Variants in C17orf75 observed in about 807,000 individuals in gnomAD.
The protein encoded by C17orf75 is chromosome 17 open reading frame 75, also known as protein Njmu-R1.
C17orf75 carries 32 observed loss-of-function variants against 49.6 expected under a neutral mutation model. The observed-to-expected ratio is 0.65, with a 90% CI of 0.49 to 0.87. The LOEUF (loss-of-function observed/expected upper bound fraction) is 0.87. C17orf75 is among the 40% of genes least tolerant of loss of function. The probability of loss-of-function intolerance (pLI) is 0.00; values close to 1 mark genes in which losing one functional copy is unlikely to be tolerated. For synonymous variants in C17orf75, 158 were observed against 159.5 expected (o/e 0.99, Z 0.07); for missense variants, 428 against 473.9 (o/e 0.90, Z 0.90).
chr17:32,339,344 C>A (rs1338159636), intron 3 of C17orf75, among the ~76,000 whole-genome samples: 1 of 149,164 alleles, frequency 6.7e-6, no homozygotes, highest in African/African-American at 2.5e-5. Flanking sequence ...TTTTAATAAT[C>A]AACACTTTTC....
rs185717321 is a variant in C17orf75 at position 32,334,465 on chromosome 17, T to G, written c.871+4A>C. The stretch of plus-strand genomic sequence containing the variant: ...GGAAGGCTGCTTCAGAGGTTGTAGC[T>G]CACCTGCATTGCAGAACTGAGGCTG... On this transcript the variant is annotated splice_donor_region_variant and intron_variant, in intron 8 of 9. Coordinates refer to ENST00000577809, the MANE Select transcript of C17orf75 (RefSeq NM_022344.4). The G allele has an allele frequency of 2.3e-4, 370 of 1,610,514 alleles. No homozygotes were observed. Among genetic ancestry groups the G allele is most frequent in the Non-Finnish European group, 2.5e-4 (289 of 1,178,504 alleles).
chr17:32,345,608 G>A (rs1412128996), upstream of C17orf75, among the ~76,000 whole-genome samples: 2 of 150,794 alleles, frequency 1.3e-5, no homozygotes, highest in South Asian at 4.4e-4. Context: ...GAGGCAGGCA[G>A]ATCACAAGGT....
In C17orf75 at chr17:32,335,737, T is replaced by C. The variant is rs1194812758; in HGVS notation, c.550-295A>G. 5.9e-5 allele frequency among the ~76,000 whole-genome samples: 9 copies of C among 152,190 alleles called. 1 individual carries two copies. The East Asian group carries it at 1.5e-3, about 26-fold the overall frequency. On this transcript the variant is annotated intron_variant, in intron 5 of 9. Transcript: ENST00000577809. The stretch of plus-strand genomic sequence containing the variant: ...TTCTTCACAGGGAAGAGTTGGGCAC[T>C]CACAAGTCCCTCTCCTCCCACTGTA...
chr17:32,342,361 T>C, upstream of C17orf75: 1 of 603,302 alleles, frequency 1.7e-6, no homozygotes, highest in Non-Finnish European at 2.4e-6. Context: ...TTTTACCATT[T>C]ATTTTGAACT....
chr17:32,333,086 C>T (rs2041292183), intron 9 of C17orf75, among the ~76,000 whole-genome samples: 1 of 152,188 alleles, frequency 6.6e-6, no homozygotes, highest in Non-Finnish European at 1.5e-5. Flanking sequence ...GCTGGGATTA[C>T]AGGGGTGAGC....
At chr17:32,333,333 A>G in intron 9 of C17orf75, 84 bp downstream of exon 9, 1 of 915,150 alleles carries the variant, frequency 1.1e-6, no homozygotes. Flanking sequence ...ACAGCTATAA[A>G]GCAATTTGTT....
upstream of C17orf75, among the ~76,000 whole-genome samples, chr17:32,346,398 G>C (rs974018370): frequency 1.3e-5 from 2 of 152,206 alleles, no homozygotes; most frequent in South Asian, 2.1e-4. Context: ...CTACCAGCCT[G>C]GGCCACCGAA....
chr17:32,347,736 A>G (rs1050118486), intron 1 of C17orf75, among the ~76,000 whole-genome samples: 13 of 152,116 alleles, frequency 8.5e-5, no homozygotes, highest in African/African-American at 3.1e-4. Flanking sequence ...TAAAATCACT[A>G]ATCCCCCCCC....
upstream of C17orf75, among the ~76,000 whole-genome samples, chr17:32,342,975 AT>A (rs2041395328): frequency 6.6e-6 from 1 of 152,224 alleles, no homozygotes; most frequent in Non-Finnish European, 1.5e-5. Flanking sequence ...TGGGCAATTT[AT>A]AATTAGCTCT....
chr17:32,342,022 GAC>G lies in C17orf75; in HGVS notation c.116_117del (p.Cys39SerfsTer17), dbSNP rs1415648984. 5.9e-6 allele frequency: 9 copies of G among 1,537,210 alleles called. No homozygotes were observed. Among genetic ancestry groups the G allele is most frequent in the Non-Finnish European group, 7.0e-6 (8 of 1,142,652 alleles). On this transcript the variant is annotated frameshift_variant, in exon 1 of 10. Transcript: ENST00000577809. LOFTEE classifies it high-confidence loss of function. ...CACCTGCTTCCGCGATAGCTGTAAA[GAC>G]AGTAGTGGCTGCTGGACGGCGGCTC... ...RLEPPSSSHY[C>X]LYSYRGSRLA...
chr17:32,349,090 T>G (rs1175314285), intron 1 of C17orf75, among the ~76,000 whole-genome samples: 1 of 150,748 alleles, frequency 6.6e-6, no homozygotes, highest in Non-Finnish European at 1.5e-5. Context: ...GGTCTCGAAC[T>G]CCTGACCTCA....
chr17:32,329,879 G>A lies in C17orf75; in HGVS notation c.*1884C>T, dbSNP rs2041260299. 1 of 152,210 alleles carries A rather than the reference G, an allele frequency of 6.6e-6. No individual in the cohort carries two copies. The highest frequency in any genetic ancestry group is 2.1e-4 in the South Asian group (1 of 4,830). 9.4% of individuals were successfully genotyped at this position (152,210 alleles called of 1,614,324 possible). On this transcript the variant is annotated 3_prime_UTR_variant, in exon 10 of 10. Transcript: ENST00000577809. ...TTTTTTTGAGACAGAGTCTCGCTCT[G>A]TCACTCAGGTTGGAATGCAGTGGCG...
rs922499119 is a variant in C17orf75, at chr17:32,328,639, C to G, written c.*3124G>C. 6.6e-6 allele frequency: 1 copy of G among 152,178 alleles called. No homozygotes were observed. Among genetic ancestry groups the G allele is most frequent in the Non-Finnish European group, 1.5e-5 (1 of 68,048 alleles). 9.4% of individuals were successfully genotyped at this position (152,178 alleles called of 1,614,324 possible). On this transcript the variant is annotated 3_prime_UTR_variant, in exon 10 of 10. Transcript: ENST00000577809. ...GGCACAGTGGCTCACGCCTGTAATC[C>G]CGGCACTTTGGGAGGCCAAGGCGGG...
At chr17:32,333,146 GTTT>G (rs2041292730) in intron 9 of C17orf75, among the ~76,000 whole-genome samples, 1 of 152,092 alleles carries the variant, frequency 6.6e-6, no homozygotes, top group African/African-American at 2.4e-5. Context: ...CACTGAACCA[GTTT>G]TTTTGTGCTT....
chr17:32,334,599 C>T lies in C17orf75; in HGVS notation c.741G>A (p.Leu247=), dbSNP rs1486034315. The change falls in exon 8 of 10, where the codon CTG becomes CTA. Residue 247 remains leucine (L), a synonymous_variant. Coordinates refer to ENST00000577809, the MANE Select transcript of C17orf75 (RefSeq NM_022344.4). The stretch of plus-strand genomic sequence containing the variant: ...TAAGTCCTTGAAGACTGGCCACACT[C>T]AGAAACCTGCCACACACACAAGTCC... ...EKTKRDINRF[L]SVASLQGLIH... 1 of 1,611,466 alleles carries T rather than the reference C, an allele frequency of 6.2e-7. No individual in the cohort carries two copies. Among genetic ancestry groups the T allele is most frequent in the Non-Finnish European group, 8.5e-7 (1 of 1,179,282 alleles).
chr17:32,331,787 T>G lies in C17orf75; in HGVS notation c.1167A>C (p.Lys389Asn). 1 of 1,613,722 alleles carries G rather than the reference T, an allele frequency of 6.2e-7. No homozygotes were observed. The highest frequency in any genetic ancestry group is 1.1e-5 in the South Asian group (1 of 91,076). Residue 389 changes from lysine to asparagine, a missense_variant, in exon 10 of 10, where the codon AAA becomes AAC. Physicochemically the swap from Lys to Asn is moderately conservative, Grantham distance 94. Coordinates refer to ENST00000577809, the MANE Select transcript of C17orf75 (RefSeq NM_022344.4). Reference protein sequence around the residue: ...NVIAVLEEFMKEALDQSF With the variant: ...NVIAVLEEFMNEALDQSF ...ATCAAAAACTTTGGTCAAGAGCTTC[T>G]TTCATGAATTCTTCAAGGACAGCTA...
rs755267246 is a variant in C17orf75, at chr17:32,338,212, C to G, written c.487G>C (p.Glu163Gln). ...CAAAAACCAAAGAAAGGATATAGCT[C>G]AAGTCCTTTTTCAGACCCTCCTAAA... ...CFLGGSEKGL[E>Q]LFRLELDKYI... Residue 163 changes from glutamate to glutamine, a missense_variant, in exon 4 of 10, where the codon GAG (glutamate) becomes CAG (glutamine). Transcript: ENST00000577809. 6.2e-6 allele frequency: 10 copies of G among 1,611,408 alleles called. No homozygotes were observed. The highest frequency in any genetic ancestry group is 8.5e-6 in the Non-Finnish European group (10 of 1,179,332).
At chr17:32,350,013 C>G in exon 1 of C17orf75, 1 of 1,333,686 alleles carries the variant, frequency 7.5e-7, no homozygotes, top group Non-Finnish European at 9.7e-7. Context: ...GCGAAAAACT[C>G]TGAAACGGAC....
In C17orf75 at chr17:32,341,248, G is replaced by A. The variant is rs746827336; in HGVS notation, c.177C>T (p.Ser59=). 3.1e-6 allele frequency: 5 copies of A among 1,613,786 alleles called. No individual in the cohort carries two copies. Among genetic ancestry groups the A allele is most frequent in the Admixed American group, 3.3e-5 (2 of 59,972 alleles). ...GAGTTTCTGCATTTGTGCCACTTGG[G>A]CTTCCGTCCTCACTGTCCCCTCGTT... ...AQQRGDSEDG[S]PSGTNAETPS... Residue 59 remains serine, a synonymous_variant, in exon 2 of 10, where the codon AGC becomes AGT. Transcript: ENST00000577809.
Sources: gnomAD v4.1 joint callset for allele counts (sites outside exome capture counted in the v4.1 genomes callset) on GRCh38, gnomAD v4.1.1 for gene constraint, MANE v1.5 for transcripts, NCBI Gene and HGNC (gene_info 2026-07-23, HGNC 2026-07-21) for gene names.